The following P2RY8 variants were observed in gnomAD, a reference collection of about 807,000 sequenced individuals.
P2RY8 encodes P2Y receptor family member 8.
P2RY8 carries 6 observed loss-of-function variants against 10.0 expected under a neutral mutation model. The ratio of observed to expected loss-of-function variants is 0.60; its 90% CI spans 0.33 to 1.19. The LOEUF is 1.19. P2RY8 is among the 50% of genes most tolerant of loss of function. The probability of loss-of-function intolerance (pLI) is 0.04; values close to 1 mark genes in which losing one functional copy is unlikely to be tolerated. For synonymous variants in P2RY8, 276 were observed against 252.5 expected, an observed-to-expected ratio of 1.09 and a Z score of -0.88; for missense variants, 456 against 542.0, an observed-to-expected ratio of 0.84 and a Z score of 1.58.
intron 1 of P2RY8, among the ~76,000 whole-genome samples, chrX:1,468,735 CT>C (rs2091728756): frequency 1.1e-5 from 1 of 87,286 alleles, no homozygotes; most frequent in Admixed American, 1.2e-4. Context: ...CCTCTCCTCT[CT>C]CCTCTCTCCT....
chrX:1,509,796 CCTAT>C (rs1170051824), intron 1 of P2RY8, among the ~76,000 whole-genome samples: 2,155 of 105,098 alleles, frequency 0.021, 64 homozygotes, highest in Admixed American at 0.058. Context: ...ATGTATCCAT[CCTAT>C]CTATCTATCT....
At chrX:1,503,305 C>A (rs1385840345) in intron 1 of P2RY8, among the ~76,000 whole-genome samples, 4 of 152,182 alleles carry the variant, frequency 2.6e-5, no homozygotes, top group African/African-American at 9.7e-5. Flanking sequence ...AAAGTAAATT[C>A]CTGTTGTCGA....
chrX:1,515,748 A>G (rs2092341820), intron 1 of P2RY8, among the ~76,000 whole-genome samples: 2 of 152,160 alleles, frequency 1.3e-5, no homozygotes, highest in Non-Finnish European at 2.9e-5. Context: ...CTGAAGGTTT[A>G]TATCACCCCA....
rs139149007 is a variant in P2RY8, at chrX:1,465,512, C to G, written c.1047G>C (p.Arg349Ser). The change falls in exon 2 of 2, where the codon AGG becomes AGC. Residue 349 changes from arginine (R) to serine (S), a missense_variant. Transcript: ENST00000381297. Reference protein sequence around the residue: ...AHPEGMEGATRPGLQRQESVF With the variant: ...AHPEGMEGATSPGLQRQESVF ...CACTCTCCTGCCTCTGGAGGCCGGG[C>G]CTGGTGGCTCCCTCCATCCCTTCAG... is the stretch of plus-strand genomic sequence containing the variant. The G allele has an allele frequency of 1.2e-6, 2 of 1,610,468 alleles. No individual in the cohort carries two copies. Among genetic ancestry groups the G allele is most frequent in the South Asian group, 2.2e-5 (2 of 90,932 alleles).
Position 1,465,959 on chromosome X carries a change from C to G in P2RY8, c.600G>C (p.Leu200=). ...TGATCACGAACGGGATGAGGAACAG[C>G]AGGATGAAGATGGTGAAGAGGAACA... is the stretch of plus-strand genomic sequence containing the variant. The part of the protein sequence containing the change: ...WAVFLFTIFI[L]LFLIPFVITV... The change falls in exon 2 of 2, where the codon CTG becomes CTC. Residue 200 remains leucine (L), a synonymous_variant. Transcript: ENST00000381297. 3 of 1,612,436 alleles carry G rather than the reference C, an allele frequency of 1.9e-6. No homozygotes were observed. Among genetic ancestry groups the G allele is most frequent in the Non-Finnish European group, 2.5e-6 (3 of 1,179,806 alleles).
Position 1,465,574 on chromosome X carries a change from T to C in P2RY8, c.985A>G (p.Arg329Gly), listed in dbSNP as rs761809308. ...GCCTCGGAGCGCACGGACGTGGTCC[T>C]GGCGGAGAAGAGGCTCTCGCGGCGC... ...DTRRESLFSARTTSVRSEAGA... is the reference protein window; with the variant it reads ...DTRRESLFSAGTTSVRSEAGA... Residue 329 changes from arginine to glycine, a missense_variant, in exon 2 of 2, where the codon AGG (arginine) becomes GGG (glycine). By Grantham distance (125) the Arg-to-Gly change is moderately radical. Coordinates refer to ENST00000381297, the MANE Select transcript of P2RY8 (RefSeq NM_178129.5). The C allele has an allele frequency of 1.2e-6, 2 of 1,612,720 alleles. No individual in the cohort carries two copies. Among genetic ancestry groups the C allele is most frequent in the Non-Finnish European group, 1.7e-6 (2 of 1,179,804 alleles).
At chrX:1,509,099 GTATCTATC>G (rs760585041) in intron 1 of P2RY8, among the ~76,000 whole-genome samples, 15,716 of 137,810 alleles carry the variant, frequency 0.11, 607 homozygotes, top group South Asian at 0.22. Flanking sequence ...ATGTATCTAT[GTATCTATC>G]TATCTATCTA....
chrX:1,476,646 G>T (rs1469412661), intron 1 of P2RY8, among the ~76,000 whole-genome samples: 1 of 151,874 alleles, frequency 6.6e-6, no homozygotes, highest in African/African-American at 2.4e-5. Context: ...GGTAGCCAAG[G>T]GTGGCTGATG....
rs1299833147 is a variant in P2RY8, at chrX:1,488,109, T to TAA, written c.-24-21529_-24-21528dup. ...TGGCCAACAAGAGCAAAACTCTGTC[T>TAA]AAAAAAAAAAAAGAAGAAGAAGAGA... On this transcript the variant is annotated intron_variant, in intron 1 of 1. Transcript: ENST00000381297. Among the ~76,000 whole-genome samples the TAA allele has an allele frequency of 4.8e-3, 635 of 131,268 alleles. 7 individuals are homozygous for TAA. The highest frequency in any genetic ancestry group is 0.013 in the African/African-American group (500 of 38,190). 86.1% of individuals were successfully genotyped at this position (131,268 alleles called of 152,430 possible).
chrX:1,504,015 T>C (rs2092204925), intron 1 of P2RY8, among the ~76,000 whole-genome samples: 3 of 152,048 alleles, frequency 2.0e-5, no homozygotes, highest in Non-Finnish European at 4.4e-5. Flanking sequence ...AAAGGAACTG[T>C]CTTTAAAGAT....
At chrX:1,514,742 T>C (rs1603458291) in intron 1 of P2RY8, among the ~76,000 whole-genome samples, 1 of 48,628 alleles carries the variant, frequency 2.1e-5, no homozygotes, top group Non-Finnish European at 4.7e-5. Context: ...CTTCCCTTCC[T>C]TCCCTTCCTT....
At chrX:1,516,550 C>T (rs1161452537) in intron 1 of P2RY8, among the ~76,000 whole-genome samples, 1 of 150,530 alleles carries the variant, frequency 6.6e-6, no homozygotes, top group African/African-American at 2.5e-5. Context: ...CACAGACACA[C>T]ACAGAGGGAT....
rs775682107 is a variant in P2RY8 at position 1,465,673 on chromosome X, C to G, written c.886G>C (p.Ala296Pro). The change falls in exon 2 of 2, where the codon GCG (alanine) becomes CCG (proline). Residue 296 changes from alanine to proline, a missense_variant. Coordinates refer to ENST00000381297, the MANE Select transcript of P2RY8 (RefSeq NM_178129.5). Reference sequence around the variant, plus strand: ...AGGCGCAGCTGGAATTCCCGGGACGCAAAGTAATAAACAAACGGGTCCAGA... The same window carrying G: ...AGGCGCAGCTGGAATTCCCGGGACGGAAAGTAATAAACAAACGGGTCCAGA... ...NCLDPFVYYF[A>P]SREFQLRLRE... 1.2e-6 allele frequency: 2 copies of G among 1,613,626 alleles called. No homozygotes were observed. Among genetic ancestry groups the G allele is most frequent in the South Asian group, 1.1e-5 (1 of 91,080 alleles).
chrX:1,473,695 GATGT>G (rs2091831213), intron 1 of P2RY8, among the ~76,000 whole-genome samples: 1 of 103,898 alleles, frequency 9.6e-6, no homozygotes, highest in African/African-American at 3.1e-5. Context: ...TGAGTAGGTG[GATGT>G]ATGGGTGGAT....
At chrX:1,490,817 T>G (rs1268240412) in intron 1 of P2RY8, among the ~76,000 whole-genome samples, 1 of 142,156 alleles carries the variant, frequency 7.0e-6, no homozygotes, top group Non-Finnish European at 1.5e-5. Flanking sequence ...AGATATTCCC[T>G]GCAAATGTGG....
At chrX:1,509,374 T>TTCTATCTATCTATCTA (rs779648095) in intron 1 of P2RY8, among the ~76,000 whole-genome samples, 20 of 131,208 alleles carry the variant, frequency 1.5e-4, no homozygotes, top group East Asian at 7.0e-4. Flanking sequence ...CATCCATCTA[T>TTCTATCTATCTATCTA]TCTATCTATC....
At chrX:1,535,595 C>T (rs1168304869) in intron 1 of P2RY8, among the ~76,000 whole-genome samples, 1 of 151,868 alleles carries the variant, frequency 6.6e-6, no homozygotes, top group African/African-American at 2.4e-5. Flanking sequence ...CACCTGCTTC[C>T]CCACGGGCTT....
At chrX:1,500,174 TG>T (rs1255358823) in intron 1 of P2RY8, among the ~76,000 whole-genome samples, 4 of 151,996 alleles carry the variant, frequency 2.6e-5, no homozygotes, top group South Asian at 2.1e-4. Context: ...TGTTTTTTAA[TG>T]TTTTTTTTTA....
rs1190144456 is a variant in P2RY8 at position 1,510,203 on chromosome X, G to A, written c.-25+26718C>T. On this transcript the variant is annotated intron_variant, in intron 1 of 1. Coordinates refer to ENST00000381297, the MANE Select transcript of P2RY8 (RefSeq NM_178129.5). ...CATCTATCATCTAATCTATTCATCC[G>A]TCTACCTCAATATCTATCAATCATC... is the stretch of plus-strand genomic sequence containing the variant. Among the ~76,000 whole-genome samples, 10 of 151,800 alleles carry A rather than the reference G, an allele frequency of 6.6e-5. No individual in the cohort carries two copies. The South Asian group carries it at 1.0e-3, about 16-fold the overall frequency.
Sources: gnomAD v4.1 joint callset for allele counts (sites outside exome capture counted in the v4.1 genomes callset) on GRCh38, gnomAD v4.1.1 for gene constraint, MANE v1.5 for transcripts, NCBI Gene and HGNC (gene_info 2026-07-23, HGNC 2026-07-21) for gene names.